Variants in HS6ST2 observed in about 807,000 individuals in gnomAD.
HS6ST2 encodes the protein heparan-sulfate 6-O-sulfotransferase 2.
Under a neutral mutation model 33.0 loss-of-function variants are expected in HS6ST2, and 17 were observed. The observed-to-expected ratio is 0.52, with a 90% CI of 0.35 to 0.77. The LOEUF (loss-of-function observed/expected upper bound fraction) is 0.77, where lower values mean the gene tolerates loss of function less well. Among genes scored for constraint, HS6ST2 ranks in the 30% least tolerant of loss-of-function variants. The probability of loss-of-function intolerance (pLI) is 0.01; values close to 1 mark genes in which losing one functional copy is unlikely to be tolerated. For missense variants in HS6ST2, 519 were observed against 551.7 expected (o/e 0.94, Z 0.59); for synonymous variants, 248 against 237.1 (o/e 1.05, Z -0.42).
At chrX:132,708,612 G>A in intron 2 of HS6ST2, 118 bp from the exon 3 acceptor site, 1 of 613,052 alleles carries the variant, frequency 1.6e-6, no homozygotes, top group Non-Finnish European at 2.6e-6. Context: ...CAAACCTTAG[G>A]GAAACAGCTC....
intron 4 of HS6ST2, among the ~76,000 whole-genome samples, chrX:132,662,028 T>C (rs901656950): frequency 2.7e-5 from 3 of 111,525 alleles, no homozygotes; most frequent in Non-Finnish European, 5.7e-5. Flanking sequence ...CAACATCTAA[T>C]TGCAATACTA....
chrX:132,687,391 C>T (rs1187888047), intron 3 of HS6ST2, among the ~76,000 whole-genome samples: 3 of 110,904 alleles, frequency 2.7e-5, no homozygotes, highest in Non-Finnish European at 3.8e-5. Flanking sequence ...AAGCAGAAGC[C>T]TCATTACCTT....
intron 2 of HS6ST2, among the ~76,000 whole-genome samples, chrX:132,829,541 T>A (rs1386173841): frequency 1.8e-5 from 2 of 110,315 alleles, no homozygotes. Context: ...ATTAAAAAAA[T>A]TTAATGTTAA....
intron 2 of HS6ST2, among the ~76,000 whole-genome samples, chrX:132,726,458 T>C (rs143796747): frequency 0.024 from 2,737 of 112,811 alleles, 56 homozygotes; most frequent in East Asian, 0.15. Flanking sequence ...TTGATTCAAA[T>C]TGTATTCTTT....
chrX:132,871,409 A>G (rs1168434316), intron 2 of HS6ST2, among the ~76,000 whole-genome samples: 1 of 112,043 alleles, frequency 8.9e-6, no homozygotes, highest in African/African-American at 3.2e-5. Flanking sequence ...ATACCATTTG[A>G]CCCAGCAATC....
chrX:132,656,600 C>A (rs1330570848), intron 4 of HS6ST2, among the ~76,000 whole-genome samples: 1 of 111,661 alleles, frequency 9.0e-6, no homozygotes, highest in Non-Finnish European at 1.9e-5. Context: ...TTATCCCTGG[C>A]CTCTTGAGTC....
intron 2 of HS6ST2, among the ~76,000 whole-genome samples, chrX:132,893,854 A>T (rs1380400563): frequency 9.0e-6 from 1 of 111,477 alleles, no homozygotes; most frequent in Non-Finnish European, 1.9e-5. Flanking sequence ...TTTCCAAATG[A>T]TAAGGGAAAA....
In HS6ST2 at chrX:132,683,481, A is replaced by G. The variant is rs763355058; in HGVS notation, c.981-14282T>C. Among the ~76,000 whole-genome samples, 4 of 112,124 alleles carry G rather than the reference A, an allele frequency of 3.6e-5. No individual in the cohort carries two copies. The East Asian group carries it at 1.1e-3, about 32-fold the overall frequency. On this transcript the variant is annotated intron_variant, in intron 3 of 4. Transcript: ENST00000370833. ...TCACAAACTGAAAGTCAAGTAAGAC[A>G]CCAAGTAAAACAATCCTAGCACCCG...
intron 3 of HS6ST2, among the ~76,000 whole-genome samples, chrX:132,687,609 G>A (rs2064028904): frequency 9.0e-6 from 1 of 110,684 alleles, no homozygotes; most frequent in Admixed American, 9.7e-5. Flanking sequence ...GGGCTGACTG[G>A]AAATTATTCA....
chrX:132,794,015 C>T (rs1255319951), intron 2 of HS6ST2, among the ~76,000 whole-genome samples: 1 of 112,754 alleles, frequency 8.9e-6, no homozygotes, highest in Non-Finnish European at 1.9e-5. Flanking sequence ...GGCTACTTGC[C>T]GTTTTGCTGG....
intron 2 of HS6ST2, among the ~76,000 whole-genome samples, chrX:132,779,820 G>T (rs2065002835): frequency 9.0e-6 from 1 of 110,746 alleles, no homozygotes; most frequent in Non-Finnish European, 1.9e-5. Flanking sequence ...CCTTACTATT[G>T]CCAGTTTACA....
chrX:132,827,124 T>C (rs904200133), intron 2 of HS6ST2, among the ~76,000 whole-genome samples: 1 of 111,831 alleles, frequency 8.9e-6, no homozygotes, highest in Non-Finnish European at 1.9e-5. Flanking sequence ...GGCACTTCCA[T>C]TGATAAGAAA....
chrX:132,828,795 TA>T (rs1357198594), intron 2 of HS6ST2, among the ~76,000 whole-genome samples: 1 of 101,186 alleles, frequency 9.9e-6, no homozygotes, highest in Non-Finnish European at 2.0e-5. Flanking sequence ...AGCATATACA[TA>T]TTTATATATT....
chrX:132,704,510 C>G (rs1056849826), intron 3 of HS6ST2, among the ~76,000 whole-genome samples: 1 of 110,539 alleles, frequency 9.0e-6, no homozygotes, highest in Admixed American at 9.6e-5. Flanking sequence ...ACTGAGATCG[C>G]GCCATTGAAC....
At chrX:132,795,622 A>G (rs912432763) in intron 2 of HS6ST2, among the ~76,000 whole-genome samples, 7 of 110,723 alleles carry the variant, frequency 6.3e-5, no homozygotes, top group Non-Finnish European at 9.5e-5. Context: ...CTTTTTTTTT[A>G]TGAAACAGAG....
chrX:132,882,101 G>T (rs1373390595), intron 2 of HS6ST2, among the ~76,000 whole-genome samples: 4 of 111,242 alleles, frequency 3.6e-5, no homozygotes, highest in Non-Finnish European at 7.5e-5. Context: ...TTGACTTGGC[G>T]ATGCAGGCTC....
At chrX:132,764,652 G>A (rs2064828929) in intron 2 of HS6ST2, among the ~76,000 whole-genome samples, 1 of 111,357 alleles carries the variant, frequency 9.0e-6, no homozygotes, top group Non-Finnish European at 1.9e-5. Flanking sequence ...TGTCTGTTGA[G>A]TGCCCCTGCA....
chrX:132,867,148 G>C (rs1166758964), intron 2 of HS6ST2, among the ~76,000 whole-genome samples: 2 of 103,296 alleles, frequency 1.9e-5, no homozygotes, highest in Admixed American at 1.0e-4. Flanking sequence ...TTTTGAGATA[G>C]GTCCCATCAA....
chrX:132,760,817 G>A (rs917811177), intron 2 of HS6ST2, among the ~76,000 whole-genome samples: 6 of 110,809 alleles, frequency 5.4e-5, no homozygotes, highest in African/African-American at 2.0e-4. Context: ...ACTTGTAAGC[G>A]TGCTTGCCTG....
Sources: allele counts gnomAD v4.1 joint callset (sites outside exome capture counted in the v4.1 genomes callset), GRCh38; gene constraint gnomAD v4.1.1; transcripts MANE v1.5; gene names NCBI Gene and HGNC (gene_info 2026-07-23, HGNC 2026-07-21).